The following VWF variants were observed in gnomAD, a reference collection of about 807,000 sequenced individuals.
The protein encoded by VWF is Factor VIII related antigen.
A neutral mutation model predicts 308.6 loss-of-function variants in VWF; 176 were observed. The ratio of observed to expected loss-of-function variants is 0.57; its 90% confidence interval spans 0.50 to 0.65. The LOEUF (loss-of-function observed/expected upper bound fraction) is 0.65, where lower values mean the gene tolerates loss of function less well. Ranked by LOEUF, VWF falls within the 30% of genes least tolerant of loss-of-function variation. VWF has a pLI of 0.00. For synonymous variants in VWF, 1,385 were observed against 1,443.4 expected (o/e 0.96, Z 0.92); for missense variants, 3,146 against 3,648.2 (o/e 0.86, Z 3.55).
At chr12:6,000,398 G>A (rs1943857486) in intron 34 of VWF, among the ~76,000 whole-genome samples, 1 of 152,198 alleles carries the variant, frequency 6.6e-6, no homozygotes, top group Non-Finnish European at 1.5e-5. Context: ...GAAAGAAAAT[G>A]TGAATCAAGA....
intron 1 of VWF, among the ~76,000 whole-genome samples, chr12:6,123,536 C>T (rs1003136946): frequency 6.6e-6 from 1 of 152,220 alleles, no homozygotes. Flanking sequence ...GGAGCTAACA[C>T]ACACCTCATT....
rs1565806829 is a variant in VWF, at chr12:5,952,454, G to T, written c.8052C>A (p.Tyr2684Ter). ...AGCCTGTGACCCTCTTCTCCCAGAA[G>T]TACTCTCCTCTCTCATTGACCTTGC... Reference protein sequence around the residue: ...HFCKVNERGEYFWEKRVTGCP... With the variant: ...HFCKVNERGE The change falls in exon 49 of 52, where the codon TAC becomes TAA. Residue 2684 changes from tyrosine to a stop codon, truncating the protein, a stop_gained. Transcript: ENST00000261405. LOFTEE classifies it high-confidence loss of function. 6.2e-7 allele frequency: 1 copy of T among 1,614,190 alleles called. No individual in the cohort carries two copies. Among genetic ancestry groups the T allele is most frequent in the Non-Finnish European group, 8.5e-7 (1 of 1,180,018 alleles).
intron 42 of VWF, among the ~76,000 whole-genome samples, chr12:5,978,057 G>A (rs1943551434): frequency 6.7e-6 from 1 of 149,276 alleles, no homozygotes; most frequent in African/African-American, 2.4e-5. Context: ...GAAATAAAAA[G>A]CAATCCCTAA....
intron 6 of VWF, among the ~76,000 whole-genome samples, chr12:6,092,344 GT>G (rs1185704189): frequency 1.2e-3 from 169 of 146,424 alleles, no homozygotes; most frequent in South Asian, 0.011. Flanking sequence ...CTTTTTGCGG[GT>G]TTTTTTTTTT....
chr12:5,978,880 T>G (rs1334005889), intron 42 of VWF, among the ~76,000 whole-genome samples: 1 of 152,214 alleles, frequency 6.6e-6, no homozygotes, highest in African/African-American at 2.4e-5. Context: ...ATCCAAGGAC[T>G]AGGGCAGGAA....
chr12:5,994,737 G>T (rs897861176), intron 35 of VWF, 130 bp from the exon 36 acceptor site: 5 of 802,536 alleles, frequency 6.2e-6, no homozygotes, highest in Non-Finnish European at 1.1e-5. Flanking sequence ...CTTGATATTT[G>T]TCGGCAGCTC....
chr12:6,042,246 C>G (rs1233189804), intron 18 of VWF, among the ~76,000 whole-genome samples: 1 of 152,166 alleles, frequency 6.6e-6, no homozygotes, highest in Non-Finnish European at 1.5e-5. Flanking sequence ...TCCCTTTCCC[C>G]TGTCAAGTCC....
Position 5,996,115 on chromosome 12 carries a change from G to C in VWF, c.5950C>G (p.Leu1984Val). 2 of 1,614,128 alleles carry C rather than the reference G, an allele frequency of 1.2e-6. No homozygotes were observed. The highest frequency in any genetic ancestry group is 2.2e-5 in the South Asian group (2 of 91,066). The change falls in exon 35 of 52, where the codon CTG becomes GTG. Residue 1984 changes from leucine (L) to valine (V), a missense_variant. Leu to Val is a conservative substitution (Grantham distance 32). Around this residue, in one of 3 missense-constraint regions of VWF, gnomAD observed 989 missense variants for 1,117.4 expected, o/e 0.89. Transcript: ENST00000261405. ...GCACCATTATGGAGAATCACCTCCA[G>C]GTCCTGCTCCTTGTTTTGAAATAGG... ...YVLFQNKEQD[L>V]EVILHNGACS... is the part of the protein sequence containing the mutation.
chr12:5,970,617 C>G (rs748610678), intron 44 of VWF, among the ~76,000 whole-genome samples: 3 of 152,108 alleles, frequency 2.0e-5, no homozygotes, highest in African/African-American at 7.2e-5. Context: ...ATAGGCAACT[C>G]GGACTAGAGG....
At chr12:5,954,193 T>C (rs1024631462) in intron 47 of VWF, among the ~76,000 whole-genome samples, 1 of 152,206 alleles carries the variant, frequency 6.6e-6, no homozygotes, top group Non-Finnish European at 1.5e-5. Flanking sequence ...ACCTTCATTC[T>C]TGCTCCCCTG....
intron 6 of VWF, among the ~76,000 whole-genome samples, chr12:6,090,151 G>A (rs1591911129): frequency 6.6e-6 from 1 of 152,006 alleles, no homozygotes; most frequent in African/African-American, 2.4e-5. Flanking sequence ...TAGAGACGGG[G>A]TTTCACCATG....
chr12:6,058,562 G>A lies in VWF; in HGVS notation c.1534-518C>T, dbSNP rs114914538. 0.012 allele frequency among the ~76,000 whole-genome samples: 1,786 copies of A among 152,208 alleles called. 47 individuals are homozygous for A. The highest frequency in any genetic ancestry group is 0.041 in the African/African-American group (1,684 of 41,528). On this transcript the variant is annotated intron_variant, in intron 13 of 51. Transcript: ENST00000261405. This position sits in a 1 kb window ranked among gnomAD's most constrained non-coding sequence, Gnocchi z 4.9. The stretch of plus-strand genomic sequence containing the variant: ...CTGCCAGGTGTGGTCCAAGCCCTCC[G>A]GGAGCTCACGGTTAATGACAAGAAA...
chr12:6,107,280 A>G (rs1194792085), intron 5 of VWF, among the ~76,000 whole-genome samples: 1 of 152,252 alleles, frequency 6.6e-6, no homozygotes, highest in Non-Finnish European at 1.5e-5. Context: ...AGATTTGACT[A>G]CAAAGGAGCA....
chr12:5,991,920 C>T lies in VWF; in HGVS notation c.6697G>A (p.Glu2233Lys), dbSNP rs61750623. The T allele has an allele frequency of 1.9e-6, 3 of 1,614,206 alleles. No individual in the cohort carries two copies. The highest frequency in any genetic ancestry group is 2.2e-5 in the East Asian group (1 of 44,884). ...NVSSCGDHPSEGCFCPPDKVM... is the reference protein window; with the variant it reads ...NVSSCGDHPSKGCFCPPDKVM... Reference sequence around the variant, plus strand: ...TTATCTGGAGGGCAGAAACAGCCTTCGGAGGGATGGTCCCCACAGGAGCTC... The same window carrying T: ...TTATCTGGAGGGCAGAAACAGCCTTTGGAGGGATGGTCCCCACAGGAGCTC... Residue 2233 changes from glutamate to lysine, a missense_variant, in exon 38 of 52, where the codon GAA becomes AAA. By Grantham distance (56) the Glu-to-Lys change is moderately conservative (BLOSUM62 1). Transcript: ENST00000261405.
intron 47 of VWF, among the ~76,000 whole-genome samples, chr12:5,964,254 A>ACATACATACATACATACATGCATG (rs1943366732): frequency 1.5e-5 from 2 of 130,020 alleles, no homozygotes; most frequent in African/African-American, 6.1e-5. Flanking sequence ...ATACATGCAT[A>ACATACATACATACATACATGCATG]CATACATACA....
chr12:5,994,629 C>T (rs866129026), intron 35 of VWF, 22 bp from the exon 36 acceptor site: 3 of 1,611,996 alleles, frequency 1.9e-6, no homozygotes, highest in Admixed American at 3.3e-5. Context: ...AGAAAGAGCT[C>T]ATCCGTAGTC....
Position 6,065,131 on chromosome 12 carries a change from G to A in VWF, c.1293+6C>T, listed in dbSNP as rs764329633. On this transcript the variant is annotated splice_donor_region_variant and intron_variant, in intron 11 of 51. Transcript: ENST00000261405. The stretch of plus-strand genomic sequence containing the variant: ...CCCGACCAGCAGCCGGGCTGGCAAA[G>A]CTCACCTGGACAGTCTCAATGACAA... 1.8e-5 allele frequency: 29 copies of A among 1,614,182 alleles called. No homozygotes were observed. The highest frequency in any genetic ancestry group is 2.2e-5 in the Non-Finnish European group (26 of 1,180,054).
chr12:6,064,206 T>C (rs1944686359), intron 12 of VWF, 40 bp downstream of exon 12: 2 of 1,613,788 alleles, frequency 1.2e-6, no homozygotes, highest in Non-Finnish European at 1.7e-6. Context: ...AGGGATGGGC[T>C]GTGCCAGCCC....
chr12:6,057,725 G>A (rs61233936), intron 14 of VWF, 124 bp downstream of exon 14: 14 of 1,176,068 alleles, frequency 1.2e-5, no homozygotes, highest in African/African-American at 9.7e-5. Context: ...AACAAAGCCC[G>A]ACCCCTTTCC....
Sources: gnomAD v4.1 joint callset for allele counts (sites outside exome capture counted in the v4.1 genomes callset) on GRCh38, gnomAD v4.1.1 for gene constraint, gnomAD v4.1.1 regional missense constraint, Gnocchi (gnomAD v3.1) non-coding constraint, MANE v1.5 for transcripts, NCBI Gene and HGNC (gene_info 2026-07-23, HGNC 2026-07-21) for gene names.